Variants in NAALADL1 observed in about 807,000 individuals in gnomAD.
NAALADL1 encodes the protein aminopeptidase NAALADL1.
A neutral mutation model predicts 82.8 loss-of-function variants in NAALADL1; 77 were observed. The ratio of observed to expected loss-of-function variants is 0.93; its 90% CI spans 0.77 to 1.12. The LOEUF is 1.12. Ranked by LOEUF, NAALADL1 falls within the 50% of genes most tolerant of loss-of-function variation. The pLI, the probability that NAALADL1 is intolerant of heterozygous loss-of-function variation, is 0.00. For synonymous variants in NAALADL1, 358 were observed against 399.2 expected (o/e 0.90, Z 1.23); for missense variants, 956 against 964.0 (o/e 0.99, Z 0.11).
At chr11:65,059,127 A>G (rs1409175263), upstream of NAALADL1, among the ~76,000 whole-genome samples, 1 of 151,626 alleles carries the variant, frequency 6.6e-6, no homozygotes, top group African/African-American at 2.4e-5. Flanking sequence ...ATTCTCCTGC[A>G]TCGGCCTCCC....
rs761990116 is a variant in NAALADL1, at chr11:65,048,352, G to A, written c.1232C>T (p.Ala411Val). 1.2e-6 allele frequency: 2 copies of A among 1,614,162 alleles called. No homozygotes were observed. Among genetic ancestry groups the A allele is most frequent in the Non-Finnish European group, 1.7e-6 (2 of 1,180,022 alleles). ...CCCAAACTCCTCAGCCCCCCAGCTCGCAAACACGATTGATCTGCGAGGACG... is the reference window on the plus strand; with the variant it reads ...CCCAAACTCCTCAGCCCCCCAGCTCACAAACACGATTGATCTGCGAGGACG... ...TWRPRRSIVFASWGAEEFGLI... is the reference protein window; with the variant it reads ...TWRPRRSIVFVSWGAEEFGLI... Residue 411 changes from alanine (A) to valine (V), a missense_variant, in exon 9 of 18, where the codon GCG becomes GTG. By Grantham distance (64) the Ala-to-Val change is moderately conservative. Coordinates refer to ENST00000358658, the MANE Select transcript of NAALADL1 (RefSeq NM_005468.3).
Position 65,054,832 on chromosome 11 carries a change from T to C in NAALADL1, c.604-94A>G. On this transcript the variant is annotated intron_variant, in intron 4 of 17. Coordinates refer to ENST00000358658, the MANE Select transcript of NAALADL1 (RefSeq NM_005468.3). The surrounding 1 kb of genome is among the most constrained non-coding windows in gnomAD (Gnocchi z 4.3). ...CCTTCCTCGACTGTGGAAGCCAGGA[T>C]AGACCAATCTTCCATGGGCAAGATG... 6.9e-7 allele frequency: 1 copy of C among 1,454,020 alleles called. No individual in the cohort carries two copies. Among genetic ancestry groups the C allele is most frequent in the Non-Finnish European group, 9.2e-7 (1 of 1,086,946 alleles). The allele number at this position is 1,454,020 out of a possible 1,614,324, so 90.1% of individuals were successfully genotyped here. A position where few individuals can be genotyped will look rare whatever the true frequency, so the allele number is the denominator to read the frequency against.
At position 65,054,185 on chromosome 11, in the gene NAALADL1, G is replaced by A; in HGVS notation, c.992+65C>T. 1 of 1,369,598 alleles carries A rather than the reference G, an allele frequency of 7.3e-7. No homozygotes were observed. The highest frequency in any genetic ancestry group is 1.0e-6 in the Non-Finnish European group (1 of 972,178). 84.8% of individuals were successfully genotyped at this position (1,369,598 alleles called of 1,614,324 possible). On this transcript the variant is annotated intron_variant, in intron 6 of 17. Transcript: ENST00000358658. This position sits in a 1 kb window ranked among gnomAD's most constrained non-coding sequence, Gnocchi z 4.3. ...GTGGAAAGAGGGAACATCATCACAA[G>A]GGAAGGGGAGAGGCGAGTTGGGGGA... is the stretch of plus-strand genomic sequence containing the variant.
Position 65,058,455 on chromosome 11 carries a change from G to C in NAALADL1, c.67C>G (p.Leu23Val). 1 of 1,613,884 alleles carries C rather than the reference G, an allele frequency of 6.2e-7. No individual in the cohort carries two copies. The highest frequency in any genetic ancestry group is 8.5e-7 in the Non-Finnish European group (1 of 1,179,898). ...TTTTTGGGGATGGCAAAGTGGCCGA[G>C]GATGATCCCCAGCCCCAAGAGGGCA... ...AAALLGLGIILGHFAIPKKAN... is the reference protein window; with the variant it reads ...AAALLGLGIIVGHFAIPKKAN... The change falls in exon 1 of 18, where the codon CTC (leucine) becomes GTC (valine). Residue 23 changes from leucine to valine, a missense_variant. Coordinates refer to ENST00000358658, the MANE Select transcript of NAALADL1 (RefSeq NM_005468.3).
chr11:65,059,269 C>T (rs537637306), upstream of NAALADL1, among the ~76,000 whole-genome samples: 2 of 152,338 alleles, frequency 1.3e-5, no homozygotes, highest in African/African-American at 4.8e-5. Context: ...GCCTCAGCCT[C>T]CCAAAGTGCT....
intron 8 of NAALADL1, among the ~76,000 whole-genome samples, chr11:65,051,389 T>C (rs1001498652): frequency 7.4e-6 from 1 of 134,420 alleles, no homozygotes; most frequent in Admixed American, 8.8e-5. Context: ...CAGGCTGGAG[T>C]GCAGTAGTGT....
chr11:65,045,841 G>T lies in NAALADL1; in HGVS notation c.2017C>A (p.Pro673Thr). ...ERTFLNPRAF[P>T]EERYYSHVLW... is the part of the protein sequence containing the mutation. ...ACTCACCTGTAGTAGCGTTCCTCTG[G>T]GAAGGCTCTAGGGTTCAGAAAGGTC... The change falls in exon 17 of 18, where the codon CCA becomes ACA. Residue 673 changes from proline to threonine, a missense_variant. By Grantham distance (38) the Pro-to-Thr change is conservative. Transcript: ENST00000358658. The T allele has an allele frequency of 6.2e-7, 1 of 1,614,046 alleles. No homozygotes were observed. The highest frequency in any genetic ancestry group is 1.1e-5 in the South Asian group (1 of 91,072).
rs1311933137 is a variant in NAALADL1 at position 65,048,196 on chromosome 11, T to C, written c.1304A>G (p.Gln435Arg). Residue 435 changes from glutamine (Q) to arginine (R), a missense_variant, in exon 10 of 18, where the codon CAG (glutamine) becomes CGG (arginine). By Grantham distance (43) the Gln-to-Arg change is conservative. Transcript: ENST00000358658. ...EFTEEFFNKL[Q>R]ERTVAYINVD... is the part of the protein sequence containing the mutation. Reference sequence around the variant, plus strand: ...GTTGATGTAGGCCACCGTGCGCTCCTGCAGCTTGTTGAAGAACTCCTGCGG... The same window carrying C: ...GTTGATGTAGGCCACCGTGCGCTCCCGCAGCTTGTTGAAGAACTCCTGCGG... The C allele has an allele frequency of 1.2e-6, 2 of 1,613,574 alleles. No homozygotes were observed. Among genetic ancestry groups the C allele is most frequent in the Admixed American group, 1.7e-5 (1 of 59,958 alleles).
In NAALADL1 at chr11:65,044,934, C is replaced by G. The variant is rs1461383293; in HGVS notation, c.*337G>C. The G allele has an allele frequency of 6.0e-6, 4 of 670,342 alleles. No homozygotes were observed. The highest frequency in any genetic ancestry group is 9.9e-6 in the Non-Finnish European group (4 of 404,274). The allele number at this position is 670,342 out of a possible 1,614,324, so 41.5% of individuals were successfully genotyped here. On this transcript the variant is annotated 3_prime_UTR_variant, in exon 18 of 18. Coordinates refer to ENST00000358658, the MANE Select transcript of NAALADL1 (RefSeq NM_005468.3). This position sits in a 1 kb window ranked among gnomAD's most constrained non-coding sequence, Gnocchi z 4.0. ...AGCCAAGGCCTAAGGTACCCCAAGA[C>G]TCACTTTCGCCACTGGTCCTTGGCC...
In NAALADL1 at chr11:65,045,310, C is replaced by G; in HGVS notation, c.2184G>C (p.Glu728Asp). 1 of 1,610,944 alleles carries G rather than the reference C, an allele frequency of 6.2e-7. No individual in the cohort carries two copies. Among genetic ancestry groups the G allele is most frequent in the Non-Finnish European group, 8.5e-7 (1 of 1,178,542 alleles). Residue 728 changes from glutamate to aspartate, a missense_variant, in exon 18 of 18, where the codon GAG (glutamate) becomes GAC (aspartate). Transcript: ENST00000358658. ...RQLSIVVTAL[E>D]GAAATLRPVA... The stretch of plus-strand genomic sequence containing the variant: ...CAGGCCTCAGGGTGGCTGCCGCACC[C>G]TCCAGGGCTGTCACCACAATGCTGA...
rs1946933176 is a variant in NAALADL1 at position 65,053,133 on chromosome 11, A to G, written c.1198+85T>C. On this transcript the variant is annotated intron_variant, in intron 8 of 17. Coordinates refer to ENST00000358658, the MANE Select transcript of NAALADL1 (RefSeq NM_005468.3). The surrounding 1 kb of genome is among the most constrained non-coding windows in gnomAD (Gnocchi z 4.3). ...GGCCCTCAGGCATGGCACAAGGAGC[A>G]CTGCAGTGTGAGGGAGAGGAGGTGG... 6.9e-7 allele frequency: 1 copy of G among 1,443,300 alleles called. No individual in the cohort carries two copies. The highest frequency in any genetic ancestry group is 1.4e-5 in the South Asian group (1 of 71,616). The allele number at this position is 1,443,300 out of a possible 1,614,324, so 89.4% of individuals were successfully genotyped here. A position where few individuals can be genotyped will look rare whatever the true frequency, so the allele number is the denominator to read the frequency against.
chr11:65,045,247 A>G lies in NAALADL1; in HGVS notation c.*24T>C. The G allele has an allele frequency of 6.3e-7, 1 of 1,599,560 alleles. No individual in the cohort carries two copies. On this transcript the variant is annotated 3_prime_UTR_variant, in exon 18 of 18. Transcript: ENST00000358658. ...GGCAGGAGAGGGTTGGAGTAAAGGG[A>G]GGGCTGAAGAAAGAGGGCTGGGGTC...
intron 11 of NAALADL1, 86 bp downstream of exon 11, chr11:65,047,895 C>T (rs2136978144): frequency 1.6e-6 from 2 of 1,280,078 alleles, no homozygotes; most frequent in Non-Finnish European, 2.2e-6. Context: ...GTACCACTCC[C>T]CAGCCCCGCC....
At position 65,047,512 on chromosome 11, in the gene NAALADL1, C is replaced by T. The variant is rs868220617; in HGVS notation, c.1562G>A (p.Gly521Asp). Residue 521 changes from glycine (G) to aspartate (D), a missense_variant, in exon 13 of 18, where the codon GGC (glycine) becomes GAC (aspartate). Coordinates refer to ENST00000358658, the MANE Select transcript of NAALADL1 (RefSeq NM_005468.3). ...ATAGGCAATGTCCATGGAGGAGATGCCCAGGAAGTGAACGAAGGGTGCATA... is the reference window on the plus strand; with the variant it reads ...ATAGGCAATGTCCATGGAGGAGATGTCCAGGAAGTGAACGAAGGGTGCATA... ...SDYAPFVHFL[G>D]ISSMDIAYTY... is the part of the protein sequence containing the mutation. 6.4e-7 allele frequency: 1 copy of T among 1,570,174 alleles called. No homozygotes were observed. The highest frequency in any genetic ancestry group is 1.9e-5 in the Admixed American group (1 of 53,342).
At position 65,058,367 on chromosome 11, in the gene NAALADL1, A is replaced by G; in HGVS notation, c.155T>C (p.Leu52Pro). Reference sequence around the variant, plus strand: ...GTTCTCCCGGATCCTGTGGGCATCCAGCTGCCCCATGACGGTCTCCAGGAT... The same window carrying G: ...GTTCTCCCGGATCCTGTGGGCATCCGGCTGCCCCATGACGGTCTCCAGGAT... ...LEILETVMGQ[L>P]DAHRIRENLR... The change falls in exon 1 of 18, where the codon CTG (leucine) becomes CCG (proline). Residue 52 changes from leucine (L) to proline (P), a missense_variant. Leu to Pro is a moderately conservative substitution (Grantham distance 98). Transcript: ENST00000358658. 6.2e-7 allele frequency: 1 copy of G among 1,614,162 alleles called. No individual in the cohort carries two copies. The highest frequency in any genetic ancestry group is 2.2e-5 in the East Asian group (1 of 44,884).
chr11:65,056,104 C>T (rs1343582179), intron 4 of NAALADL1, among the ~76,000 whole-genome samples: 8 of 151,742 alleles, frequency 5.3e-5, no homozygotes, highest in African/African-American at 1.5e-4. Context: ...AGGCTGGTCT[C>T]GAACTCCTGA....
At chr11:65,047,945 A>G in intron 11 of NAALADL1, 36 bp downstream of exon 11, 1 of 743,618 alleles carries the variant, frequency 1.3e-6, no homozygotes, top group Non-Finnish European at 1.7e-6. Context: ...GGCCCGCCCC[A>G]GCTAGTTCAG....
chr11:65,059,624 CCCT>C (rs1947141295), upstream of NAALADL1, among the ~76,000 whole-genome samples: 1 of 152,236 alleles, frequency 6.6e-6, no homozygotes, highest in South Asian at 2.1e-4. Context: ...CCGTCATCCA[CCCT>C]CCTATTTATC....
At chr11:65,052,774 C>T (rs548250730) in intron 8 of NAALADL1, among the ~76,000 whole-genome samples, 18 of 152,246 alleles carry the variant, frequency 1.2e-4, no homozygotes, top group Non-Finnish European at 2.6e-4. Context: ...CTGGCTGCCA[C>T]CTCCTTGCCC....
Sources: gnomAD v4.1 joint callset for allele counts (sites outside exome capture counted in the v4.1 genomes callset) on GRCh38, gnomAD v4.1.1 for gene constraint, Gnocchi (gnomAD v3.1) non-coding constraint, MANE v1.5 for transcripts, NCBI Gene and HGNC (gene_info 2026-07-23, HGNC 2026-07-21) for gene names.